The following PCTP variants were observed in gnomAD, a reference collection of about 807,000 sequenced individuals.
PCTP encodes the protein START domain-containing protein 2.
A neutral mutation model predicts 31.0 loss-of-function variants in PCTP; 27 were observed. The observed-to-expected ratio is 0.87, with a 90% CI of 0.64 to 1.20. The LOEUF (loss-of-function observed/expected upper bound fraction) is 1.20. PCTP is among the 50% of genes most tolerant of loss of function. The probability of loss-of-function intolerance (pLI) is 0.00; values close to 1 mark genes in which losing one functional copy is unlikely to be tolerated. For missense variants in PCTP, 287 were observed against 268.2 expected, an observed-to-expected ratio of 1.07 and a Z score of -0.49; for synonymous variants, 108 against 101.2, an observed-to-expected ratio of 1.07 and a Z score of -0.40.
At chr17:55,772,086 T>C (rs898124945) in intron 3 of PCTP, among the ~76,000 whole-genome samples, 7 of 152,232 alleles carry the variant, frequency 4.6e-5, no homozygotes, top group Non-Finnish European at 8.8e-5. Flanking sequence ...TATCAGATGA[T>C]ATCTATCACA....
chr17:55,806,341 T>C (rs1335116721), intron 3 of PCTP, among the ~76,000 whole-genome samples: 1 of 152,122 alleles, frequency 6.6e-6, no homozygotes, highest in Non-Finnish European at 1.5e-5. Context: ...GTGTATATCT[T>C]CCCAAATCCA....
chr17:55,767,873 A>G (rs2144947461), intron 2 of PCTP, among the ~76,000 whole-genome samples: 1 of 150,172 alleles, frequency 6.7e-6, no homozygotes, highest in East Asian at 2.0e-4. Flanking sequence ...CGGACAGATC[A>G]CTTGAGGCCA....
chr17:55,772,719 T>C (rs1354845120), intron 3 of PCTP, among the ~76,000 whole-genome samples: 2 of 152,240 alleles, frequency 1.3e-5, no homozygotes, highest in African/African-American at 4.8e-5. Flanking sequence ...CCCAAAATTC[T>C]GTTTTATGAA....
intron 3 of PCTP, among the ~76,000 whole-genome samples, chr17:55,808,942 A>G (rs2145041352): frequency 6.6e-6 from 1 of 152,316 alleles, no homozygotes; most frequent in Non-Finnish European, 1.5e-5. Context: ...CAGCTACTCT[A>G]AAGTATTTCT....
At chr17:55,799,501 C>G (rs1003320651) in intron 3 of PCTP, among the ~76,000 whole-genome samples, 6 of 151,726 alleles carry the variant, frequency 4.0e-5, no homozygotes, top group Admixed American at 3.9e-4. Context: ...GAATACAGCA[C>G]ACCAATGGGT....
rs1047855646 is a variant in PCTP at position 55,798,990 on chromosome 17, T to A, written c.317+11336T>A. Among the ~76,000 whole-genome samples the A allele has an allele frequency of 5.9e-5, 9 of 151,788 alleles. No homozygotes were observed. In the South Asian group the frequency reaches 8.3e-4, roughly 14 times the overall value. The stretch of plus-strand genomic sequence containing the variant: ...TGCAAGTAATAAAAATATATATTTA[T>A]GTTAAATATTAATAAAATATTTATG... On this transcript the variant is annotated intron_variant, in intron 3 of 3. Coordinates refer to the PCTP transcript ENST00000572536.
the PCTP span, among the ~76,000 whole-genome samples, chr17:55,852,208 G>T: frequency 6.6e-6 from 1 of 152,066 alleles, no homozygotes; most frequent in African/African-American, 2.4e-5. Context: ...AAGTGCAATG[G>T]AATTTATCTT....
At chr17:55,815,129 TTA>T in intron 3 of PCTP, among the ~76,000 whole-genome samples, 1 of 152,334 alleles carries the variant, frequency 6.6e-6, no homozygotes, top group African/African-American at 2.4e-5. Flanking sequence ...AAGTTCAATG[TTA>T]TGCACAAAAG....
intron 3 of PCTP, among the ~76,000 whole-genome samples, chr17:55,817,247 G>A (rs1912950487): frequency 6.6e-6 from 1 of 152,126 alleles, no homozygotes; most frequent in African/African-American, 2.4e-5. Flanking sequence ...GAGTCTTTTG[G>A]GGGTTGTTGG....
chr17:55,768,703 C>G (rs1372473206), intron 2 of PCTP: 1 of 152,244 alleles, frequency 6.6e-6, no homozygotes, highest in Non-Finnish European at 1.5e-5. Flanking sequence ...ACTAGGCGAA[C>G]TAGGGCAGCT....
At chr17:55,818,739 G>A (rs1354215266) in intron 3 of PCTP, among the ~76,000 whole-genome samples, 2 of 152,122 alleles carry the variant, frequency 1.3e-5, no homozygotes, top group African/African-American at 4.8e-5. Context: ...AGGACACCTG[G>A]AAAGAGGTAG....
At position 55,776,282 on chromosome 17, in the gene PCTP, T is replaced by G; in HGVS notation, c.*182T>G. 1 of 1,371,350 alleles carries G rather than the reference T, an allele frequency of 7.3e-7. No homozygotes were observed. The highest frequency in any genetic ancestry group is 2.8e-5 in the East Asian group (1 of 36,240). The allele number at this position is 1,371,350 out of a possible 1,614,324, so 84.9% of individuals were successfully genotyped here. The stretch of plus-strand genomic sequence containing the variant: ...GGCCTACACACTACCACATCCTTTC[T>G]AAGCATGTTTGCCTGACATCCAGCT... On this transcript the variant is annotated 3_prime_UTR_variant, in exon 6 of 6. Transcript: ENST00000268896.
rs145620390 is a variant in PCTP at position 55,760,054 on chromosome 17, C to T, written c.142-7281C>T. On this transcript the variant is annotated intron_variant, in intron 1 of 5. Transcript: ENST00000268896. ...TGAGAAATATACCAGTTTAATGTTT[C>T]GACAAGTTAGCCAGCACGATAGCAT... is the stretch of plus-strand genomic sequence containing the variant. Among the ~76,000 whole-genome samples the T allele has an allele frequency of 4.2e-3, 636 of 152,120 alleles. 3 individuals carry two copies. The highest frequency in any genetic ancestry group is 0.015 in the African/African-American group (612 of 41,498).
chr17:55,776,562 T>C lies in PCTP; in HGVS notation c.*462T>C. The C allele has an allele frequency of 8.1e-7, 1 of 1,231,902 alleles. No homozygotes were observed. The allele number at this position is 1,231,902 out of a possible 1,614,324, so 76.3% of individuals were successfully genotyped here. On this transcript the variant is annotated 3_prime_UTR_variant, in exon 6 of 6. Transcript: ENST00000268896. ...TGATTTCTTCCAGCTTGGGAGGGGC[T>C]GCTGGAAGTGGCATTTCGTTCAGAG...
downstream of PCTP, among the ~76,000 whole-genome samples, chr17:55,782,323 A>G (rs538727830): frequency 6.6e-6 from 1 of 152,340 alleles, no homozygotes; most frequent in Non-Finnish European, 1.5e-5. Context: ...AAATATCTGG[A>G]CAGCCCATAG....
At chr17:55,825,555 T>G (rs191036609), downstream of PCTP, among the ~76,000 whole-genome samples, 2 of 152,276 alleles carry the variant, frequency 1.3e-5, no homozygotes, top group South Asian at 2.1e-4. Context: ...GACATCTGAG[T>G]AAACTTCCAA....
chr17:55,768,379 G>C (rs1490378711), intron 2 of PCTP, among the ~76,000 whole-genome samples: 1 of 152,096 alleles, frequency 6.6e-6, no homozygotes, highest in Non-Finnish European at 1.5e-5. Flanking sequence ...TTTGAGAGTT[G>C]AATCAAAATT....
chr17:55,790,481 A>G (rs1012716406), intron 3 of PCTP, among the ~76,000 whole-genome samples: 3 of 148,186 alleles, frequency 2.0e-5, no homozygotes, highest in African/African-American at 7.5e-5. Flanking sequence ...TCAATGTACA[A>G]AAATCACAAG....
chr17:55,766,172 G>A lies in PCTP; in HGVS notation c.142-1163G>A, dbSNP rs1597979618. On this transcript the variant is annotated intron_variant, in intron 1 of 5. Coordinates refer to ENST00000268896, the MANE Select transcript of PCTP (RefSeq NM_021213.4). ...TTTAAGATCTCTGAGAGCAGGGCCTGCACCTGCTTTTTTATCATTGTGTCA... is the reference window on the plus strand; with the variant it reads ...TTTAAGATCTCTGAGAGCAGGGCCTACACCTGCTTTTTTATCATTGTGTCA... 2.0e-5 allele frequency among the ~76,000 whole-genome samples: 3 copies of A among 151,948 alleles called. No individual in the cohort carries two copies. The South Asian group carries it at 6.2e-4, about 31-fold the overall frequency.
Sources: gnomAD v4.1 joint callset for allele counts (sites outside exome capture counted in the v4.1 genomes callset) on GRCh38, gnomAD v4.1.1 for gene constraint, MANE v1.5 for transcripts, NCBI Gene and HGNC (gene_info 2026-07-23, HGNC 2026-07-21) for gene names.